NFIA: variants seen among roughly 807,000 people sequenced by gnomAD.
The protein encoded by NFIA is nuclear factor 1 A-type.
In NFIA, 8 loss-of-function variants were observed where a neutral mutation model predicts 62.8. The ratio of observed to expected loss-of-function variants is 0.13; its 90% confidence interval spans 0.07 to 0.23. The LOEUF (loss-of-function observed/expected upper bound fraction) is 0.23. Among genes scored for constraint, NFIA ranks in the 10% least tolerant of loss-of-function variants. The pLI is 1.00. For synonymous variants in NFIA, 235 were observed against 238.1 expected (o/e 0.99, Z 0.12); for missense variants, 410 against 642.1 (o/e 0.64, Z 3.91).
At chr1:61,373,922 A>G (rs1012530452) in intron 6 of NFIA, among the ~76,000 whole-genome samples, 10 of 152,334 alleles carry the variant, frequency 6.6e-5, no homozygotes, top group East Asian at 1.9e-4. Flanking sequence ...GAGCTGTCCA[A>G]TAGAATTTTC....
intron 3 of NFIA, among the ~76,000 whole-genome samples, chr1:61,317,671 T>G (rs1435980968): frequency 6.6e-6 from 1 of 152,054 alleles, no homozygotes; most frequent in Non-Finnish European, 1.5e-5. Context: ...TACATTTTGA[T>G]TTTTATAGAC....
chr1:61,457,138 A>G lies in NFIA; in HGVS notation c.*1818A>G, dbSNP rs539665513. The G allele has an allele frequency of 1.3e-5, 2 of 152,308 alleles. No individual in the cohort carries two copies. Among genetic ancestry groups the G allele is most frequent in the Admixed American group, 1.3e-4 (2 of 15,302 alleles). 9.4% of individuals were successfully genotyped at this position (152,308 alleles called of 1,614,324 possible). On this transcript the variant is annotated 3_prime_UTR_variant, in exon 11 of 11. Transcript: ENST00000403491. The surrounding 1 kb of genome is among the most constrained non-coding windows in gnomAD (Gnocchi z 4.2). The stretch of plus-strand genomic sequence containing the variant: ...TTCAGAAGGGTTCTACTACTGTCCT[A>G]TACAATCAAGTAACTGAAATTCTTG...
At chr1:61,158,468 G>A (rs991230614) in intron 2 of NFIA, among the ~76,000 whole-genome samples, 11 of 152,144 alleles carry the variant, frequency 7.2e-5, no homozygotes, top group African/African-American at 2.7e-4. Flanking sequence ...TTTTGTGTTT[G>A]TATTTATATT....
At chr1:61,411,821 A>G (rs1027730551) in intron 9 of NFIA, among the ~76,000 whole-genome samples, 1 of 151,618 alleles carries the variant, frequency 6.6e-6, no homozygotes, top group African/African-American at 2.4e-5. Flanking sequence ...AGGGTGAGCA[A>G]GGATGCAGTA....
intron 3 of NFIA, among the ~76,000 whole-genome samples, chr1:61,282,568 G>T (rs17265364): frequency 0.017 from 2,643 of 152,284 alleles, 61 homozygotes; most frequent in Non-Finnish European, 0.021. Context: ...TCATGTGATA[G>T]CCTTCTTACT....
chr1:61,244,597 T>A (rs1199946587), intron 2 of NFIA, among the ~76,000 whole-genome samples: 1 of 152,204 alleles, frequency 6.6e-6, no homozygotes, highest in Non-Finnish European at 1.5e-5. Context: ...TAGTACCTTG[T>A]GGTCACCTGG....
At chr1:61,104,178 T>G (rs1185658911) in intron 2 of NFIA, among the ~76,000 whole-genome samples, 1 of 152,162 alleles carries the variant, frequency 6.6e-6, no homozygotes, top group Non-Finnish European at 1.5e-5. Context: ...GATTAAAAAT[T>G]GACCCATTCT....
At chr1:61,411,563 C>T (rs900662407) in intron 9 of NFIA, among the ~76,000 whole-genome samples, 1 of 152,014 alleles carries the variant, frequency 6.6e-6, no homozygotes, top group African/African-American at 2.4e-5. Context: ...AGCTGTGTGC[C>T]AAGCACTCTT....
chr1:61,225,536 A>C (rs2100623267), intron 2 of NFIA, among the ~76,000 whole-genome samples: 1 of 148,738 alleles, frequency 6.7e-6, no homozygotes, highest in South Asian at 2.1e-4. Flanking sequence ...GCTGTGAGCC[A>C]TCGCGCCCAG....
At chr1:61,358,054 T>A (rs1202905843) in intron 5 of NFIA, among the ~76,000 whole-genome samples, 1 of 152,172 alleles carries the variant, frequency 6.6e-6, no homozygotes, top group Non-Finnish European at 1.5e-5. Context: ...TGAAAGTTTC[T>A]TGACCGTACC....
chr1:61,336,016 T>C (rs925314902), intron 4 of NFIA, among the ~76,000 whole-genome samples: 2 of 152,134 alleles, frequency 1.3e-5, no homozygotes, highest in Non-Finnish European at 2.9e-5. Context: ...TCTCATTCAA[T>C]CCTCCCATGG....
chr1:61,184,273 C>G (rs1281292226), intron 2 of NFIA, among the ~76,000 whole-genome samples: 1 of 152,248 alleles, frequency 6.6e-6, no homozygotes, highest in Non-Finnish European at 1.5e-5. Flanking sequence ...ACGTTCCGCT[C>G]CTTACATGGC....
intron 6 of NFIA, among the ~76,000 whole-genome samples, chr1:61,375,333 T>A (rs1664095193): frequency 6.6e-6 from 1 of 152,142 alleles, no homozygotes; most frequent in South Asian, 2.1e-4. Context: ...CTGATGGACA[T>A]GACTGAGCTG....
chr1:61,288,329 CA>C (rs1658642321), intron 3 of NFIA, among the ~76,000 whole-genome samples: 2 of 152,046 alleles, frequency 1.3e-5, no homozygotes, highest in African/African-American at 4.8e-5. Context: ...TTTTCATGTG[CA>C]ATATGGAATG....
intron 2 of NFIA, among the ~76,000 whole-genome samples, chr1:61,120,036 T>G (rs1646862375): frequency 6.6e-6 from 1 of 152,200 alleles, no homozygotes; most frequent in South Asian, 2.1e-4. Context: ...GGTAACATAT[T>G]TGGATAATCA....
At chr1:61,297,446 C>T (rs1284614348) in intron 3 of NFIA, among the ~76,000 whole-genome samples, 1 of 152,174 alleles carries the variant, frequency 6.6e-6, no homozygotes, top group Non-Finnish European at 1.5e-5. Flanking sequence ...AAAATAGCCC[C>T]ATTACCTTCC....
intron 10 of NFIA, among the ~76,000 whole-genome samples, chr1:61,449,696 G>C (rs774904969): frequency 2.0e-5 from 3 of 152,168 alleles, no homozygotes; most frequent in African/African-American, 7.2e-5. Context: ...GGCCAATCCC[G>C]GCCCATTACG....
intron 2 of NFIA, among the ~76,000 whole-genome samples, chr1:61,110,021 G>T (rs1445478116): frequency 1.3e-5 from 2 of 151,940 alleles, no homozygotes; most frequent in African/African-American, 4.8e-5. Context: ...GTTAGTTAAG[G>T]ACAATTTTTA....
At chr1:61,453,641 G>A (rs17122237) in intron 10 of NFIA, among the ~76,000 whole-genome samples, 1 of 151,946 alleles carries the variant, frequency 6.6e-6, no homozygotes, top group Admixed American at 6.6e-5. Context: ...TTTCACAACC[G>A]ACTTAGAAAG....
Sources: gnomAD v4.1 joint callset for allele counts (sites outside exome capture counted in the v4.1 genomes callset) on GRCh38, gnomAD v4.1.1 for gene constraint, Gnocchi (gnomAD v3.1) non-coding constraint, MANE v1.5 for transcripts, NCBI Gene and HGNC (gene_info 2026-07-23, HGNC 2026-07-21) for gene names.